The following MALT1 variants were observed in gnomAD, a reference collection of about 807,000 sequenced individuals.
The protein encoded by MALT1 is mucosa-associated lymphoid tissue lymphoma translocation protein 1.
Under a neutral mutation model 85.5 loss-of-function variants are expected in MALT1, and 36 were observed. The observed-to-expected ratio is 0.42, with a 90% CI of 0.32 to 0.56. The LOEUF (loss-of-function observed/expected upper bound fraction) is 0.56, where lower values mean the gene tolerates loss of function less well. Among genes scored for constraint, MALT1 ranks in the 20% least tolerant of loss-of-function variants. The pLI, the probability that MALT1 is intolerant of heterozygous loss-of-function variation, is 0.10. For synonymous variants in MALT1, 359 were observed against 361.3 expected (o/e 0.99, Z 0.07); for missense variants, 716 against 981.6 (o/e 0.73, Z 3.62).
At chr18:58,697,203 T>G (rs1012436041) in intron 3 of MALT1, 6 of 152,190 alleles carry the variant, frequency 3.9e-5, no homozygotes, top group Admixed American at 3.9e-4. Context: ...CTTTTCACTC[T>G]GTTAGTCCCA....
intron 10 of MALT1, 33 bp from the exon 11 acceptor site, chr18:58,733,364 C>T (rs1280787943): frequency 1.0e-5 from 14 of 1,404,754 alleles, no homozygotes; most frequent in Non-Finnish European, 1.4e-5. Context: ...TTAGAATTGA[C>T]ATCTATCTCT....
chr18:58,672,597 T>C (rs1255651350), intron 1 of MALT1: 1 of 152,152 alleles, frequency 6.6e-6, no homozygotes, highest in Admixed American at 6.5e-5. Context: ...TTTACCACCT[T>C]TGAAATTAAA....
In MALT1 at chr18:58,671,540, GC is replaced by G; in HGVS notation, c.-100del. ...GCCGCGCTGCCAGATTTGTTCTTCC[GC>G]CCCTGCCTCCGCGGCTCGGAGGCGA... is the stretch of plus-strand genomic sequence containing the variant. On this transcript the variant is annotated 5_prime_UTR_variant, in exon 1 of 17. Transcript: ENST00000649217. The G allele has an allele frequency of 1.4e-6, 1 of 704,812 alleles. No homozygotes were observed. The highest frequency in any genetic ancestry group is 3.7e-5 in the East Asian group (1 of 27,068). The allele number at this position is 704,812 out of a possible 1,614,324, so 43.7% of individuals were successfully genotyped here.
chr18:58,738,712 T>C (rs56210539), intron 13 of MALT1, among the ~76,000 whole-genome samples: 25,714 of 152,232 alleles, frequency 0.17, 2,761 homozygotes, highest in East Asian at 0.3. Flanking sequence ...TCATGTGATA[T>C]TGAACATTGT....
chr18:58,738,738 CTATATG>C (rs1219528556), intron 13 of MALT1, among the ~76,000 whole-genome samples: 3 of 152,010 alleles, frequency 2.0e-5, no homozygotes, highest in African/African-American at 4.8e-5. Flanking sequence ...TTTTTAATAG[CTATATG>C]TATATCTTAT....
intron 1 of MALT1, among the ~76,000 whole-genome samples, chr18:58,676,531 A>G (rs1397860489): frequency 2.0e-5 from 3 of 152,102 alleles, no homozygotes; most frequent in Non-Finnish European, 4.4e-5. Flanking sequence ...CTTGCTGCCT[A>G]CTCAGGCTGA....
chr18:58,711,983 C>A (rs1316970723), intron 7 of MALT1, among the ~76,000 whole-genome samples: 2 of 152,122 alleles, frequency 1.3e-5, no homozygotes, highest in Non-Finnish European at 2.9e-5. Context: ...GTTTTTAAGT[C>A]TTCCTAATGT....
At chr18:58,700,063 G>C (rs2054649818) in intron 3 of MALT1, among the ~76,000 whole-genome samples, 1 of 152,190 alleles carries the variant, frequency 6.6e-6, no homozygotes, top group East Asian at 1.9e-4. Context: ...AATTCTCTGT[G>C]TTTTCTCTAT....
At chr18:58,718,497 A>C (rs1303715613) in intron 9 of MALT1, among the ~76,000 whole-genome samples, 2 of 152,074 alleles carry the variant, frequency 1.3e-5, no homozygotes, top group Non-Finnish European at 2.9e-5. Context: ...AGGAGTGTGA[A>C]CCCTATTGTG....
intron 2 of MALT1, among the ~76,000 whole-genome samples, chr18:58,686,021 T>C (rs2054396515): frequency 6.6e-6 from 1 of 151,566 alleles, no homozygotes. Context: ...CTTTTGTTTC[T>C]TTTGTTGTTG....
At chr18:58,684,333 T>C (rs543458619) in intron 2 of MALT1, among the ~76,000 whole-genome samples, 149 of 152,312 alleles carry the variant, frequency 9.8e-4, no homozygotes, top group African/African-American at 3.4e-3. Flanking sequence ...GTTATTGATT[T>C]AACAGCAAAC....
chr18:58,714,095 A>G lies in MALT1; in HGVS notation c.971A>G (p.Asn324Ser). 1 of 1,271,054 alleles carries G rather than the reference A, an allele frequency of 7.9e-7. No individual in the cohort carries two copies. The highest frequency in any genetic ancestry group is 1.2e-5 in the South Asian group (1 of 81,062). 78.7% of individuals were successfully genotyped at this position (1,271,054 alleles called of 1,614,324 possible). A position where few individuals can be genotyped will look rare whatever the true frequency, so the allele number is the denominator to read the frequency against. ...TACTTTGTTTTAGATGAATTAAATA[A>G]TCTTGGTCATCCTGGTGAGTAATAC... The part of the protein sequence containing the change: ...AVECTEDELN[N>S]LGHPDNKEQT... The change falls in exon 8 of 17, where the codon AAT becomes AGT. Residue 324 changes from asparagine (N) to serine (S), a missense_variant. Around this residue, in one of 4 missense-constraint regions of MALT1, gnomAD observed 290 missense variants for 380.5 expected, o/e 0.76. Transcript: ENST00000649217.
chr18:58,732,699 T>C (rs1202680471), intron 10 of MALT1, among the ~76,000 whole-genome samples: 2 of 151,230 alleles, frequency 1.3e-5, no homozygotes, highest in African/African-American at 4.9e-5. Flanking sequence ...AGACTATCTC[T>C]GCCCTAACAG....
intron 1 of MALT1, chr18:58,672,985 C>T (rs977852366): frequency 6.6e-6 from 1 of 152,226 alleles, no homozygotes; most frequent in Non-Finnish European, 1.5e-5. Flanking sequence ...CACTTAGAAC[C>T]ATTACTTTAT....
intron 11 of MALT1, 115 bp downstream of exon 11, chr18:58,733,689 A>G (rs1035145674): frequency 5.6e-6 from 5 of 889,394 alleles, no homozygotes; most frequent in South Asian, 3.8e-5. Context: ...TAGTTTATAC[A>G]TTGAAACTGG....
rs572468127 is a variant in MALT1, at chr18:58,749,624, T to G, written c.*1782T>G. 4.6e-6 allele frequency: 1 copy of G among 219,522 alleles called. No homozygotes were observed. The highest frequency in any genetic ancestry group is 5.8e-5 in the Admixed American group (1 of 17,274). 13.6% of individuals were successfully genotyped at this position (219,522 alleles called of 1,614,324 possible). ...AGTGCCACGGATATCAATTTGAGGG[T>G]TATAAATTTTAGCAAGTTGGTAAAT... is the stretch of plus-strand genomic sequence containing the variant. On this transcript the variant is annotated 3_prime_UTR_variant, in exon 17 of 17. Coordinates refer to ENST00000649217, the MANE Select transcript of MALT1 (RefSeq NM_006785.4).
chr18:58,705,222 C>T (rs1437589801), intron 4 of MALT1, among the ~76,000 whole-genome samples: 1 of 151,540 alleles, frequency 6.6e-6, no homozygotes, highest in Non-Finnish European at 1.5e-5. Context: ...TCATTGTGCC[C>T]CCCATTGTAT....
chr18:58,736,640 T>C (rs1470689899), intron 13 of MALT1, among the ~76,000 whole-genome samples: 1 of 152,222 alleles, frequency 6.6e-6, no homozygotes, highest in African/African-American at 2.4e-5. Flanking sequence ...TAGCAATGAA[T>C]GGCATCCCGA....
intron 1 of MALT1, among the ~76,000 whole-genome samples, chr18:58,679,810 C>T (rs765545497): frequency 6.6e-6 from 1 of 152,124 alleles, no homozygotes; most frequent in African/African-American, 2.4e-5. Flanking sequence ...TGGCCTCCCA[C>T]AGTGCTGGGA....
Sources: gnomAD v4.1 joint callset for allele counts (sites outside exome capture counted in the v4.1 genomes callset) on GRCh38, gnomAD v4.1.1 for gene constraint, gnomAD v4.1.1 regional missense constraint, MANE v1.5 for transcripts, NCBI Gene and HGNC (gene_info 2026-07-23, HGNC 2026-07-21) for gene names.